SAMD4A: variants seen among roughly 807,000 people sequenced by gnomAD.
The protein encoded by SAMD4A is sterile alpha motif domain containing 4A.
In SAMD4A, 33 loss-of-function variants were observed where a neutral mutation model predicts 81.3. That is an observed-to-expected ratio of 0.41 (90% CI 0.31 to 0.54). The LOEUF (loss-of-function observed/expected upper bound fraction) is 0.54. Ranked by LOEUF, SAMD4A falls within the 20% of genes least tolerant of loss-of-function variation. The pLI, the probability that SAMD4A is intolerant of heterozygous loss-of-function variation, is 0.37. For missense variants in SAMD4A, 854 were observed against 951.1 expected, an observed-to-expected ratio of 0.90 and a Z score of 1.34; for synonymous variants, 389 against 382.1, an observed-to-expected ratio of 1.02 and a Z score of -0.21.
intron 6 of SAMD4A, among the ~76,000 whole-genome samples, chr14:54,754,260 G>C (rs985828388): frequency 1.3e-5 from 2 of 152,146 alleles, no homozygotes; most frequent in Admixed American, 6.5e-5. Context: ...TTTGCACCTA[G>C]AATAATAGTG....
chr14:54,686,251 G>C lies in SAMD4A; in HGVS notation c.197-15811G>C, dbSNP rs145065918. Among the ~76,000 whole-genome samples, 495 of 152,286 alleles carry C rather than the reference G, an allele frequency of 3.3e-3. 18 individuals carry two copies. The highest frequency in any genetic ancestry group is 0.029 in the Admixed American group (438 of 15,296). On this transcript the variant is annotated intron_variant, in intron 2 of 12. Coordinates refer to ENST00000554335, the MANE Select transcript of SAMD4A (RefSeq NM_015589.6). ...TCAGGAGTGAATATCAGCTGAGGTG[G>C]GGATGCCCTGGCTCCCAACACAATT...
intron 2 of SAMD4A, among the ~76,000 whole-genome samples, chr14:54,684,618 C>CG (rs1555342984): frequency 1.9e-4 from 5 of 26,006 alleles, no homozygotes; most frequent in Admixed American, 9.6e-4. Flanking sequence ...CCCCGCCCCC[C>CG]CCCCCAACCA....
At chr14:54,643,162 G>A (rs781358679) in intron 2 of SAMD4A, among the ~76,000 whole-genome samples, 9 of 152,220 alleles carry the variant, frequency 5.9e-5, no homozygotes, top group Admixed American at 3.3e-4. Context: ...CTTCAAGCAC[G>A]CCATCTGCTG....
At chr14:54,762,553 G>C (rs554826492) in intron 7 of SAMD4A, among the ~76,000 whole-genome samples, 1 of 152,234 alleles carries the variant, frequency 6.6e-6, no homozygotes, top group African/African-American at 2.4e-5. Flanking sequence ...TTTCCCCATG[G>C]GTGAAGACAC....
chr14:54,579,783 G>A (rs1245272449), intron 2 of SAMD4A, among the ~76,000 whole-genome samples: 2 of 152,164 alleles, frequency 1.3e-5, no homozygotes, highest in Non-Finnish European at 2.9e-5. Context: ...AACAGGCCCT[G>A]CACACTGCAG....
chr14:54,736,275 A>G (rs1373612389), intron 3 of SAMD4A, among the ~76,000 whole-genome samples: 1 of 152,230 alleles, frequency 6.6e-6, no homozygotes, highest in East Asian at 1.9e-4. Context: ...ACATGCTGGT[A>G]AAAACCATTC....
intron 3 of SAMD4A, among the ~76,000 whole-genome samples, chr14:54,735,900 C>A (rs1162284211): frequency 6.6e-6 from 1 of 152,188 alleles, no homozygotes; most frequent in Non-Finnish European, 1.5e-5. Flanking sequence ...AGAGCAAATG[C>A]CTCATGGATG....
At chr14:54,744,366 G>A (rs2037916215) in intron 4 of SAMD4A, among the ~76,000 whole-genome samples, 1 of 152,150 alleles carries the variant, frequency 6.6e-6, no homozygotes, top group Non-Finnish European at 1.5e-5. Context: ...TCTAACTGGA[G>A]CCCTGCTTCT....
intron 2 of SAMD4A, among the ~76,000 whole-genome samples, chr14:54,607,107 G>A (rs2034228257): frequency 6.6e-6 from 1 of 152,210 alleles, no homozygotes; most frequent in South Asian, 2.1e-4. Flanking sequence ...TTGGAAAGCA[G>A]TGGCAGGGAG....
At chr14:54,771,841 C>T (rs1010423217) in intron 9 of SAMD4A, among the ~76,000 whole-genome samples, 3 of 152,178 alleles carry the variant, frequency 2.0e-5, no homozygotes, top group Admixed American at 6.5e-5. Flanking sequence ...CTCTGTCAGC[C>T]CTGTGTTGTC....
rs1414221005 is a variant in SAMD4A, at chr14:54,784,521, C to T, written c.2045-16C>T. 3.1e-6 allele frequency: 5 copies of T among 1,613,926 alleles called. No homozygotes were observed. In the African/African-American group the frequency reaches 5.3e-5, roughly 17 times the overall value. On this transcript the variant is annotated splice_polypyrimidine_tract_variant and intron_variant, in intron 11 of 12. Transcript: ENST00000554335. ...ATCTCCTCCTTGTCACCAACATAAC[C>T]CTTTATCGCCTGCAGAATTCCAGCT...
chr14:54,666,600 G>C (rs2035764340), intron 2 of SAMD4A, among the ~76,000 whole-genome samples: 2 of 152,018 alleles, frequency 1.3e-5, no homozygotes, highest in Non-Finnish European at 2.9e-5. Context: ...TGCTTATCCT[G>C]GCCATTCTCC....
At chr14:54,666,393 A>G (rs542265416) in intron 2 of SAMD4A, among the ~76,000 whole-genome samples, 1 of 152,266 alleles carries the variant, frequency 6.6e-6, no homozygotes, top group East Asian at 1.9e-4. Context: ...GACCCCCTGG[A>G]TACCCATATC....
chr14:54,716,374 G>C (rs568768195), intron 3 of SAMD4A, among the ~76,000 whole-genome samples: 1 of 152,236 alleles, frequency 6.6e-6, no homozygotes, highest in South Asian at 2.1e-4. Context: ...AGAAGACAAG[G>C]GCTGACGAGA....
chr14:54,766,727 C>T (rs566576262), intron 8 of SAMD4A, among the ~76,000 whole-genome samples: 1 of 152,316 alleles, frequency 6.6e-6, no homozygotes, highest in East Asian at 1.9e-4. Flanking sequence ...CTCTCCCACG[C>T]CTGCTCTCAG....
intron 2 of SAMD4A, among the ~76,000 whole-genome samples, chr14:54,591,856 G>A (rs2140185249): frequency 6.6e-6 from 1 of 152,200 alleles, no homozygotes; most frequent in East Asian, 1.9e-4. Flanking sequence ...CTCATTTCAG[G>A]ATTGCAGAGG....
chr14:54,581,727 A>G (rs540376039), intron 2 of SAMD4A, among the ~76,000 whole-genome samples: 1 of 152,352 alleles, frequency 6.6e-6, no homozygotes, highest in Non-Finnish European at 1.5e-5. Flanking sequence ...CTATTTTGAT[A>G]GTATGGATTA....
At chr14:54,718,839 AC>A (rs2140848862) in intron 3 of SAMD4A, among the ~76,000 whole-genome samples, 1 of 152,108 alleles carries the variant, frequency 6.6e-6, no homozygotes. Flanking sequence ...CCCCATCTGT[AC>A]TAAAACTACA....
intron 2 of SAMD4A, among the ~76,000 whole-genome samples, chr14:54,587,804 G>A (rs1426369332): frequency 6.6e-6 from 1 of 152,072 alleles, no homozygotes; most frequent in African/African-American, 2.4e-5. Flanking sequence ...TTTTGTTGAG[G>A]ATTTTTGCGT....
Sources: allele counts gnomAD v4.1 joint callset (sites outside exome capture counted in the v4.1 genomes callset), GRCh38; gene constraint gnomAD v4.1.1; transcripts MANE v1.5; gene names NCBI Gene and HGNC (gene_info 2026-07-23, HGNC 2026-07-21).